The following FMNL2 variants were observed in gnomAD, a reference collection of about 807,000 sequenced individuals.
FMNL2 encodes the protein formin like 2, also known as formin-like protein 2.
In FMNL2, 51 loss-of-function variants were observed where a neutral mutation model predicts 130.2. The observed-to-expected ratio is 0.39, with a 90% CI of 0.31 to 0.49. FMNL2 has a LOEUF of 0.49. FMNL2 is among the 20% of genes least tolerant of loss of function. FMNL2 has a pLI of 0.85. For missense variants in FMNL2, 977 were observed against 1,316.2 expected, an observed-to-expected ratio of 0.74 and a Z score of 3.99; for synonymous variants, 465 against 467.1, an observed-to-expected ratio of 1.00 and a Z score of 0.06.
Position 152,338,021 on chromosome 2 carries a change from G to GTT in FMNL2, c.117+2314_117+2315dup, listed in dbSNP as rs111784279. ...GTGCGCAGTGTTGGTGATTTCTCTT[G>GTT]TTTTTTTTTTTTTTCTGGAGTTGTG... On this transcript the variant is annotated intron_variant, in intron 1 of 25. Coordinates refer to ENST00000288670, the MANE Select transcript of FMNL2 (RefSeq NM_052905.4). Among the ~76,000 whole-genome samples, 176 of 139,636 alleles carry GTT rather than the reference G, an allele frequency of 1.3e-3. 1 individual carries two copies. Among genetic ancestry groups the GTT allele is most frequent in the Middle Eastern group, 3.8e-3 (1 of 262 alleles). The allele number at this position is 139,636 out of a possible 152,430, so 91.6% of individuals were successfully genotyped here.
At chr2:152,496,801 T>C (rs1691540506) in intron 1 of FMNL2, among the ~76,000 whole-genome samples, 1 of 152,212 alleles carries the variant, frequency 6.6e-6, no homozygotes, top group Admixed American at 6.5e-5. Context: ...GATTTGGCTA[T>C]TGTGAGGTCC....
At chr2:152,349,062 C>G (rs1384596458) in intron 1 of FMNL2, among the ~76,000 whole-genome samples, 1 of 125,916 alleles carries the variant, frequency 7.9e-6, no homozygotes, top group Non-Finnish European at 1.7e-5. Flanking sequence ...GTCTCGATCT[C>G]CTGACCTCAT....
chr2:152,491,147 C>G (rs962782652), intron 1 of FMNL2, among the ~76,000 whole-genome samples: 15 of 152,162 alleles, frequency 9.9e-5, no homozygotes, highest in Non-Finnish European at 2.9e-5. Context: ...TCTCCCCACT[C>G]CCATTGTTAT....
chr2:152,338,997 A>G (rs1430904019), intron 1 of FMNL2, among the ~76,000 whole-genome samples: 1 of 152,232 alleles, frequency 6.6e-6, no homozygotes, highest in African/African-American at 2.4e-5. Context: ...AAGGATGTAT[A>G]TATTTCATAG....
intron 13 of FMNL2, 107 bp from the exon 14 acceptor site, chr2:152,618,739 A>T (rs13413144): frequency 0.26 from 250,660 of 978,424 alleles, 36,135 homozygotes; most frequent in Non-Finnish European, 0.3. Flanking sequence ...AAGAATTCCC[A>T]TTCATATGAG....
chr2:152,568,432 C>T (rs1695984979), intron 6 of FMNL2, among the ~76,000 whole-genome samples: 1 of 152,064 alleles, frequency 6.6e-6, no homozygotes, highest in East Asian at 1.9e-4. Context: ...CCAGGGTGGT[C>T]TTGAACTCTT....
intron 1 of FMNL2, among the ~76,000 whole-genome samples, chr2:152,469,670 C>T (rs1689748894): frequency 6.6e-6 from 1 of 152,168 alleles, no homozygotes. Flanking sequence ...ATTGAAAATT[C>T]TTTGCTTAAT....
In FMNL2 at chr2:152,648,068, A is replaced by G; in HGVS notation, c.*163A>G. The G allele has an allele frequency of 1.6e-6, 1 of 606,670 alleles. No homozygotes were observed. The highest frequency in any genetic ancestry group is 3.0e-5 in the East Asian group (1 of 33,866). 37.6% of individuals were successfully genotyped at this position (606,670 alleles called of 1,614,324 possible). A position where few individuals can be genotyped will look rare whatever the true frequency, so the allele number is the denominator to read the frequency against. ...AATTTTAAAATGAGCTCTCCTTTCAACCCTTGTTAACAAGTGCCTAAAAAT... is the reference window on the plus strand; with the variant it reads ...AATTTTAAAATGAGCTCTCCTTTCAGCCCTTGTTAACAAGTGCCTAAAAAT... On this transcript the variant is annotated 3_prime_UTR_variant, in exon 26 of 26. Transcript: ENST00000288670.
chr2:152,620,939 C>G, intron 15 of FMNL2: 1 of 985,416 alleles, frequency 1.0e-6, no homozygotes, highest in Non-Finnish European at 1.2e-6. Flanking sequence ...TCAAGATCTT[C>G]CCCGTCTACC....
intron 1 of FMNL2, among the ~76,000 whole-genome samples, chr2:152,373,595 T>C (rs1684004628): frequency 1.3e-5 from 2 of 152,240 alleles, no homozygotes; most frequent in African/African-American, 2.4e-5. Context: ...ATACTTTAAA[T>C]CACCTATAGA....
intron 1 of FMNL2, among the ~76,000 whole-genome samples, chr2:152,421,488 G>T (rs1424686396): frequency 6.6e-6 from 1 of 152,176 alleles, no homozygotes; most frequent in African/African-American, 2.4e-5. Flanking sequence ...TCCATCCACA[G>T]GCTCTGCAAA....
At chr2:152,605,378 G>T (rs1698311425) in intron 9 of FMNL2, among the ~76,000 whole-genome samples, 1 of 151,992 alleles carries the variant, frequency 6.6e-6, no homozygotes, top group Non-Finnish European at 1.5e-5. Context: ...CTGGTGTATG[G>T]CATGATCATG....
Position 152,648,835 on chromosome 2 carries a change from T to G in FMNL2, c.*930T>G, listed in dbSNP as rs1683838145. The G allele has an allele frequency of 6.6e-6, 1 of 152,628 alleles. No homozygotes were observed. The highest frequency in any genetic ancestry group is 2.4e-5 in the African/African-American group (1 of 41,462). The allele number at this position is 152,628 out of a possible 1,614,324, so 9.5% of individuals were successfully genotyped here. Reference sequence around the variant, plus strand: ...TTTTTATAAATTCAAGAAGATACACTTGGCATCGTGTATCGAGGCTAAGTT... The same window carrying G: ...TTTTTATAAATTCAAGAAGATACACGTGGCATCGTGTATCGAGGCTAAGTT... On this transcript the variant is annotated 3_prime_UTR_variant, in exon 26 of 26. Coordinates refer to ENST00000288670, the MANE Select transcript of FMNL2 (RefSeq NM_052905.4).
chr2:152,633,601 A>G (rs963662966), intron 21 of FMNL2, among the ~76,000 whole-genome samples: 1 of 152,188 alleles, frequency 6.6e-6, no homozygotes, highest in African/African-American at 2.4e-5. Flanking sequence ...ATGAAGAACT[A>G]TATGACGCAG....
At chr2:152,617,573 G>T (rs142248646) in intron 13 of FMNL2, among the ~76,000 whole-genome samples, 21 of 151,992 alleles carry the variant, frequency 1.4e-4, no homozygotes, top group African/African-American at 4.1e-4. Flanking sequence ...TTTTTGCTTT[G>T]CTTCCACTCA....
chr2:152,356,182 G>C (rs1682769170), intron 1 of FMNL2, among the ~76,000 whole-genome samples: 1 of 152,148 alleles, frequency 6.6e-6, no homozygotes, highest in Non-Finnish European at 1.5e-5. Context: ...TGTCACCCAG[G>C]CTGGAGTGCA....
intron 1 of FMNL2, among the ~76,000 whole-genome samples, chr2:152,355,878 G>A (rs1682752393): frequency 6.6e-6 from 1 of 152,134 alleles, no homozygotes; most frequent in Non-Finnish European, 1.5e-5. Context: ...AGAATACTAG[G>A]TTAGAATACA....
rs1026720673 is a variant in FMNL2, at chr2:152,339,680, G to A, written c.117+3960G>A. On this transcript the variant is annotated intron_variant, in intron 1 of 25. Transcript: ENST00000288670. ...ATGGTTTAGGGCAGTATTATATTTG[G>A]TATCAGGAACTGCTTTGGTATCTGA... Among the ~76,000 whole-genome samples the A allele has an allele frequency of 2.0e-5, 3 of 152,234 alleles. No homozygotes were observed. In the South Asian group the frequency reaches 6.2e-4, roughly 32 times the overall value.
chr2:152,405,567 G>A (rs988039911), intron 1 of FMNL2, among the ~76,000 whole-genome samples: 2 of 152,186 alleles, frequency 1.3e-5, no homozygotes, highest in South Asian at 2.1e-4. Context: ...TGTAATGAAA[G>A]TGTTGGTTTT....
Sources: gnomAD v4.1 joint callset for allele counts (sites outside exome capture counted in the v4.1 genomes callset) on GRCh38, gnomAD v4.1.1 for gene constraint, MANE v1.5 for transcripts, NCBI Gene and HGNC (gene_info 2026-07-23, HGNC 2026-07-21) for gene names.